The following GRIA1 variants were observed in gnomAD, a reference collection of about 807,000 sequenced individuals.
The protein encoded by GRIA1 is glutamate ionotropic receptor AMPA type subunit 1.
Under a neutral mutation model 99.2 loss-of-function variants are expected in GRIA1, and 31 were observed. That is an observed-to-expected ratio of 0.31 (90% confidence interval 0.23 to 0.42). The LOEUF (loss-of-function observed/expected upper bound fraction) is 0.42. Among genes scored for constraint, GRIA1 ranks in the 10% least tolerant of loss-of-function variants. The probability of loss-of-function intolerance (pLI) is 1.00; values close to 1 mark genes in which losing one functional copy is unlikely to be tolerated. For synonymous variants in GRIA1, 438 were observed against 432.4 expected, an observed-to-expected ratio of 1.01 and a Z score of -0.16; for missense variants, 782 against 1,157.5, an observed-to-expected ratio of 0.68 and a Z score of 4.71.
At chr5:153,620,782 G>A (rs1263850669) in intron 2 of GRIA1, among the ~76,000 whole-genome samples, 1 of 152,150 alleles carries the variant, frequency 6.6e-6, no homozygotes, top group Non-Finnish European at 1.5e-5. Flanking sequence ...AAGGTTGAAA[G>A]GTTTCCTGAC....
intron 11 of GRIA1, among the ~76,000 whole-genome samples, chr5:153,763,228 T>C (rs1763297419): frequency 2.0e-5 from 3 of 152,100 alleles, no homozygotes. Flanking sequence ...GAATAACACA[T>C]ATAAGGTCAA....
chr5:153,575,317 G>A (rs1168484994), intron 2 of GRIA1, among the ~76,000 whole-genome samples: 1 of 152,092 alleles, frequency 6.6e-6, no homozygotes, highest in East Asian at 1.9e-4. Context: ...TTAACCCTTT[G>A]TGGCCTGATT....
intron 13 of GRIA1, among the ~76,000 whole-genome samples, chr5:153,773,836 C>T (rs892361324): frequency 6.6e-6 from 1 of 152,132 alleles, no homozygotes; most frequent in African/African-American, 2.4e-5. Flanking sequence ...TGATGGTAGT[C>T]ATGGGGCCAT....
chr5:153,643,542 G>A (rs1469745956), intron 2 of GRIA1, among the ~76,000 whole-genome samples: 3 of 152,140 alleles, frequency 2.0e-5, no homozygotes, highest in Non-Finnish European at 4.4e-5. Flanking sequence ...GGCCTATAGG[G>A]TCTGTCTGTC....
chr5:153,514,073 A>G (rs1018997111), intron 2 of GRIA1, among the ~76,000 whole-genome samples: 3 of 152,208 alleles, frequency 2.0e-5, no homozygotes, highest in Non-Finnish European at 4.4e-5. Flanking sequence ...TTGATGACCC[A>G]AATGAAAATC....
chr5:153,753,929 C>T (rs961237847), intron 11 of GRIA1, among the ~76,000 whole-genome samples: 1 of 152,170 alleles, frequency 6.6e-6, no homozygotes, highest in Non-Finnish European at 1.5e-5. Context: ...CAAGTGCTTT[C>T]CCCTGTACCA....
At chr5:153,800,039 C>A (rs1048538243) in intron 14 of GRIA1, among the ~76,000 whole-genome samples, 4 of 152,158 alleles carry the variant, frequency 2.6e-5, no homozygotes, top group African/African-American at 9.7e-5. Context: ...TGGAGGCTAT[C>A]CACAACCAAG....
At chr5:153,747,797 C>G (rs1379318239) in intron 11 of GRIA1, among the ~76,000 whole-genome samples, 1 of 152,220 alleles carries the variant, frequency 6.6e-6, no homozygotes, top group Non-Finnish European at 1.5e-5. Flanking sequence ...CCTTTCCCAC[C>G]TCTGCATGTC....
At chr5:153,774,668 C>G (rs1255713409) in intron 13 of GRIA1, among the ~76,000 whole-genome samples, 1 of 152,210 alleles carries the variant, frequency 6.6e-6, no homozygotes, top group African/African-American at 2.4e-5. Context: ...GGGGCATTCA[C>G]TCTCTTACAG....
At chr5:153,608,441 C>T (rs1295765070) in intron 2 of GRIA1, among the ~76,000 whole-genome samples, 1 of 152,020 alleles carries the variant, frequency 6.6e-6, no homozygotes, top group Non-Finnish European at 1.5e-5. Context: ...CTATCATTTT[C>T]TCTTTATATG....
chr5:153,512,560 G>A (rs1756199796), intron 2 of GRIA1, among the ~76,000 whole-genome samples: 1 of 152,230 alleles, frequency 6.6e-6, no homozygotes, highest in Non-Finnish European at 1.5e-5. Context: ...CTAAGTGTGT[G>A]GACTGGCTAG....
At chr5:153,779,897 T>TA (rs1764523257) in intron 13 of GRIA1, among the ~76,000 whole-genome samples, 2 of 152,076 alleles carry the variant, frequency 1.3e-5, no homozygotes, top group African/African-American at 2.4e-5. Context: ...GAGAAGCTCA[T>TA]AAATGGCAAA....
chr5:153,741,470 C>A (rs1380398937), intron 11 of GRIA1, among the ~76,000 whole-genome samples: 1 of 152,174 alleles, frequency 6.6e-6, no homozygotes, highest in African/African-American at 2.4e-5. Context: ...TTTATTACAG[C>A]CCTATTCACA....
chr5:153,619,154 C>A (rs1454228405), intron 2 of GRIA1, among the ~76,000 whole-genome samples: 1 of 152,146 alleles, frequency 6.6e-6, no homozygotes, highest in African/African-American at 2.4e-5. Context: ...TTTTCCTCTT[C>A]TCTGTTGACT....
intron 2 of GRIA1, among the ~76,000 whole-genome samples, chr5:153,522,217 T>C (rs1020029746): frequency 6.6e-6 from 1 of 152,240 alleles, no homozygotes; most frequent in Non-Finnish European, 1.5e-5. Flanking sequence ...CTCAGTTTTC[T>C]CATTTGCAAG....
chr5:153,712,941 C>A (rs1405430378), intron 11 of GRIA1, among the ~76,000 whole-genome samples: 1 of 152,282 alleles, frequency 6.6e-6, no homozygotes, highest in East Asian at 1.9e-4. Context: ...GTTTCACAAG[C>A]CTCCCCACCC....
In GRIA1 at chr5:153,764,323, A is replaced by G. The variant is rs548149909; in HGVS notation, c.1824-111A>G. 52 of 762,634 alleles carry G rather than the reference A, an allele frequency of 6.8e-5. No homozygotes were observed. The South Asian group carries it at 7.2e-4, about 11-fold the overall frequency. The allele number at this position is 762,634 out of a possible 1,614,324, so 47.2% of individuals were successfully genotyped here. ...TCTTGCTGACAGATGAGAAGGGTGC[A>G]ATAGGGCCTGACCGCTCTGCTGCCA... On this transcript the variant is annotated intron_variant, in intron 11 of 15. Coordinates refer to ENST00000285900, the MANE Select transcript of GRIA1 (RefSeq NM_000827.4).
At chr5:153,670,922 G>A (rs942585230) in intron 5 of GRIA1, among the ~76,000 whole-genome samples, 1 of 152,150 alleles carries the variant, frequency 6.6e-6, no homozygotes, top group Non-Finnish European at 1.5e-5. Flanking sequence ...GCATTGTAGA[G>A]ATGCAAGATT....
rs764487706 is a variant in GRIA1, at chr5:153,626,999, G to A, written c.221-19929G>A. Among the ~76,000 whole-genome samples, 3 of 152,168 alleles carry A rather than the reference G, an allele frequency of 2.0e-5. No homozygotes were observed. In the South Asian group the frequency reaches 6.2e-4, roughly 32 times the overall value. On this transcript the variant is annotated intron_variant, in intron 2 of 15. Coordinates refer to ENST00000285900, the MANE Select transcript of GRIA1 (RefSeq NM_000827.4). ...CCTTCGGTTCTGATAGCCTAAAAAT[G>A]CATGAGTTATTTTTAAGCAGAAACT...
Sources: gnomAD v4.1 joint callset for allele counts (sites outside exome capture counted in the v4.1 genomes callset) on GRCh38, gnomAD v4.1.1 for gene constraint, MANE v1.5 for transcripts, NCBI Gene and HGNC (gene_info 2026-07-23, HGNC 2026-07-21) for gene names.